Variants in TTLL11 observed in about 807,000 individuals in gnomAD.
The protein encoded by TTLL11 is tubulin polyglutamylase TTLL11.
Under a neutral mutation model 51.7 loss-of-function variants are expected in TTLL11, and 42 were observed. That is an observed-to-expected ratio of 0.81 (90% CI 0.64 to 1.05). TTLL11 has a LOEUF of 1.05. TTLL11 is among the 50% of genes least tolerant of loss of function. The pLI, the probability that TTLL11 is intolerant of heterozygous loss-of-function variation, is 0.00. For synonymous variants in TTLL11, 381 were observed against 383.5 expected, an observed-to-expected ratio of 0.99 and a Z score of 0.08; for missense variants, 799 against 940.4, an observed-to-expected ratio of 0.85 and a Z score of 1.97.
intron 1 of TTLL11, among the ~76,000 whole-genome samples, chr9:122,056,265 A>G (rs1259402043): frequency 6.6e-6 from 1 of 152,212 alleles, no homozygotes; most frequent in African/African-American, 2.4e-5. Flanking sequence ...CCACTGCCAC[A>G]AGAGACTCGA....
chr9:122,010,048 A>G (rs748433919), intron 3 of TTLL11, among the ~76,000 whole-genome samples: 14 of 152,324 alleles, frequency 9.2e-5, no homozygotes, highest in Admixed American at 7.2e-4. Context: ...CTGTATAAAT[A>G]GACTAGTATT....
chr9:122,037,931 G>C (rs1844747899), intron 2 of TTLL11, among the ~76,000 whole-genome samples: 1 of 152,220 alleles, frequency 6.6e-6, no homozygotes, highest in Non-Finnish European at 1.5e-5. Context: ...ATAACGTATG[G>C]CTATTGTGTT....
At chr9:121,826,173 T>TATATATATATATATATAA (rs1462210276) in intron 8 of TTLL11, among the ~76,000 whole-genome samples, 1 of 69,640 alleles carries the variant, frequency 1.4e-5, no homozygotes, top group Non-Finnish European at 2.7e-5. Flanking sequence ...TATATATATA[T>TATATATATATATATATAA]AACCAGTAAC....
chr9:122,087,302 C>A (rs576612049), intron 1 of TTLL11, among the ~76,000 whole-genome samples: 5 of 152,210 alleles, frequency 3.3e-5, no homozygotes, highest in African/African-American at 1.2e-4. Context: ...CTCCGCCTCC[C>A]GGGTTCAAGC....
At position 122,063,070 on chromosome 9, in the gene TTLL11, C is replaced by G. The variant is rs781310634; in HGVS notation, c.463-23702G>C. Among the ~76,000 whole-genome samples the G allele has an allele frequency of 3.9e-5, 6 of 152,290 alleles. No homozygotes were observed. In the East Asian group the frequency reaches 9.6e-4, roughly 24 times the overall value. On this transcript the variant is annotated intron_variant, in intron 1 of 8. Transcript: ENST00000321582. The stretch of plus-strand genomic sequence containing the variant: ...TGCTGGGATTACAAGCTTGGGCCAC[C>G]GCACCTGGCCTGAGTTTATCTTACT...
intron 6 of TTLL11, among the ~76,000 whole-genome samples, chr9:121,945,994 C>T (rs748907547): frequency 1.3e-5 from 2 of 152,138 alleles, no homozygotes; most frequent in South Asian, 4.1e-4. Flanking sequence ...TGTGCCAGGC[C>T]CCATGCCAAA....
intron 1 of TTLL11, among the ~76,000 whole-genome samples, chr9:122,085,132 C>T (rs1462491704): frequency 3.3e-5 from 5 of 151,964 alleles, no homozygotes; most frequent in South Asian, 2.1e-4. Flanking sequence ...TGGTGGTAGG[C>T]GCCTGTAGTC....
chr9:121,939,599 G>C (rs1001485838), intron 6 of TTLL11, among the ~76,000 whole-genome samples: 1 of 152,108 alleles, frequency 6.6e-6, no homozygotes, highest in Non-Finnish European at 1.5e-5. Flanking sequence ...GAGATCCAAA[G>C]TAGATATGGC....
At chr9:121,826,152 GAATA>G (rs1324863288) in intron 8 of TTLL11, among the ~76,000 whole-genome samples, 1 of 31,226 alleles carries the variant, frequency 3.2e-5, no homozygotes. Flanking sequence ...TATCAAAGTA[GAATA>G]TATATATATA....
intron 6 of TTLL11, among the ~76,000 whole-genome samples, chr9:121,951,008 A>G (rs1246369750): frequency 6.6e-6 from 1 of 152,188 alleles, no homozygotes. Flanking sequence ...CCCCTGCTCC[A>G]TCTTCTTTCT....
At position 121,840,222 on chromosome 9, in the gene TTLL11, C is replaced by T. The variant is rs114315712; in HGVS notation, c.1841-17343G>A. ...ATCTGGGGGCCAGTTAGGGCAACCG[C>T]AAGAGAAGAATTAGGGACAGTCCTG... On this transcript the variant is annotated intron_variant, in intron 8 of 8. Coordinates refer to ENST00000321582, the MANE Select transcript of TTLL11 (RefSeq NM_001139442.2). Among the ~76,000 whole-genome samples the T allele has an allele frequency of 4.7e-3, 722 of 152,218 alleles. 8 individuals are homozygous for T. Among genetic ancestry groups the T allele is most frequent in the African/African-American group, 0.016 (661 of 41,522 alleles).
At chr9:122,009,446 G>A (rs1272399282) in intron 3 of TTLL11, among the ~76,000 whole-genome samples, 1 of 151,614 alleles carries the variant, frequency 6.6e-6, no homozygotes, top group Non-Finnish European at 1.5e-5. Context: ...CTTTTTTGAT[G>A]TGAAAATCTA....
intron 8 of TTLL11, among the ~76,000 whole-genome samples, chr9:121,843,982 A>G (rs1837437544): frequency 6.6e-6 from 1 of 152,126 alleles, no homozygotes; most frequent in Non-Finnish European, 1.5e-5. Context: ...GCCAGAAACT[A>G]CTTTAGTAGA....
chr9:121,974,231 C>T, intron 5 of TTLL11, 107 bp from the exon 6 acceptor site: 1 of 638,248 alleles, frequency 1.6e-6, no homozygotes, highest in Non-Finnish European at 2.5e-6. Flanking sequence ...TTATGCTAAT[C>T]TATAGAAGAA....
At position 122,093,266 on chromosome 9, in the gene TTLL11, C is replaced by G. The variant is rs1846322484; in HGVS notation, c.-118G>C. 3.2e-6 allele frequency: 5 copies of G among 1,540,858 alleles called. No individual in the cohort carries two copies. Among genetic ancestry groups the G allele is most frequent in the Non-Finnish European group, 3.5e-6 (4 of 1,154,642 alleles). ...CGCTGCCACGCGTTCCCCGCCCGAGCCCGTTGCCATGATCGCTCAGGCTCG... is the reference window on the plus strand; with the variant it reads ...CGCTGCCACGCGTTCCCCGCCCGAGGCCGTTGCCATGATCGCTCAGGCTCG... On this transcript the variant is annotated 5_prime_UTR_variant, in exon 1 of 9. Coordinates refer to ENST00000321582, the MANE Select transcript of TTLL11 (RefSeq NM_001139442.2).
chr9:121,908,472 T>G (rs1840013992), intron 6 of TTLL11, among the ~76,000 whole-genome samples: 1 of 152,192 alleles, frequency 6.6e-6, no homozygotes, highest in Non-Finnish European at 1.5e-5. Flanking sequence ...GAAGAATACT[T>G]TTGTGAAAGA....
intron 6 of TTLL11, among the ~76,000 whole-genome samples, chr9:121,906,622 T>G (rs1456309895): frequency 4.6e-5 from 7 of 151,428 alleles, no homozygotes; most frequent in Admixed American, 4.6e-4. Context: ...CTAGTAAGCA[T>G]GTGGGTTGTG....
intron 3 of TTLL11, among the ~76,000 whole-genome samples, chr9:122,012,565 T>C (rs1308068880): frequency 1.3e-5 from 2 of 152,198 alleles, no homozygotes; most frequent in African/African-American, 2.4e-5. Flanking sequence ...ATTAAATGTA[T>C]TGGGGGCAAA....
intron 1 of TTLL11, among the ~76,000 whole-genome samples, chr9:122,073,504 T>C (rs943653158): frequency 1.4e-4 from 21 of 152,084 alleles, no homozygotes; most frequent in Admixed American, 4.6e-4. Flanking sequence ...TATGATGGGG[T>C]CTGAAGGAGC....
Sources: gnomAD v4.1 joint callset for allele counts (sites outside exome capture counted in the v4.1 genomes callset) on GRCh38, gnomAD v4.1.1 for gene constraint, MANE v1.5 for transcripts, NCBI Gene and HGNC (gene_info 2026-07-23, HGNC 2026-07-21) for gene names.